STK3: variants seen among roughly 807,000 people sequenced by gnomAD.
STK3 encodes the protein serine/threonine-protein kinase 3.
STK3 carries 41 observed loss-of-function variants against 58.0 expected under a neutral mutation model. That is an observed-to-expected ratio of 0.71 (90% CI 0.55 to 0.92). The LOEUF is 0.92. Among genes scored for constraint, STK3 ranks in the 40% least tolerant of loss-of-function variants. STK3 has a pLI of 0.00. For synonymous variants in STK3, 170 were observed against 191.0 expected, an observed-to-expected ratio of 0.89 and a Z score of 0.91; for missense variants, 479 against 602.7, an observed-to-expected ratio of 0.79 and a Z score of 2.15.
At chr8:98,485,032 G>C (rs1822135940) in intron 10 of STK3, among the ~76,000 whole-genome samples, 1 of 152,154 alleles carries the variant, frequency 6.6e-6, no homozygotes, top group Admixed American at 6.5e-5. Context: ...CTGAGATCAG[G>C]AGTTCAAGAT....
At chr8:98,530,517 A>C (rs2131503833) in intron 9 of STK3, among the ~76,000 whole-genome samples, 1 of 152,328 alleles carries the variant, frequency 6.6e-6, no homozygotes, top group South Asian at 2.1e-4. Context: ...GCAACAGATA[A>C]ATAGCTAAGA....
intron 2 of STK3, among the ~76,000 whole-genome samples, chr8:98,771,398 G>C (rs1267483745): frequency 6.6e-6 from 1 of 152,152 alleles, no homozygotes; most frequent in Non-Finnish European, 1.5e-5. Flanking sequence ...AATATGCTAT[G>C]AGTTGGTACC....
chr8:98,834,940 A>G (rs1835693343), intron 3 of STK3, among the ~76,000 whole-genome samples: 1 of 152,240 alleles, frequency 6.6e-6, no homozygotes, highest in Non-Finnish European at 1.5e-5. Flanking sequence ...AAGAAGAGGC[A>G]ATTCCTAAAT....
chr8:98,701,648 CTATACACACACATATA>C (rs1408122763), intron 6 of STK3, among the ~76,000 whole-genome samples: 2 of 150,326 alleles, frequency 1.3e-5, no homozygotes, highest in Non-Finnish European at 3.0e-5. Context: ...ATATATATAT[CTATACACACACATATA>C]TATACACACA....
chr8:98,421,455 A>C (rs946522875), intron 3 of STK3, among the ~76,000 whole-genome samples: 1 of 152,140 alleles, frequency 6.6e-6, no homozygotes, highest in Non-Finnish European at 1.5e-5. Context: ...CTCTAAGTTT[A>C]AATTTAATCA....
chr8:98,696,654 T>A (rs1394412253), intron 6 of STK3, among the ~76,000 whole-genome samples: 3 of 152,240 alleles, frequency 2.0e-5, no homozygotes, highest in East Asian at 1.9e-4. Flanking sequence ...CATGCTGGAT[T>A]ACATTTATTG....
chr8:98,850,380 G>C (rs547329774), intron 3 of STK3, among the ~76,000 whole-genome samples: 2 of 152,158 alleles, frequency 1.3e-5, no homozygotes, highest in Non-Finnish European at 2.9e-5. Flanking sequence ...TGGGTATTGG[G>C]CTGGGACAAG....
chr8:98,798,980 A>G (rs1004104368), intron 1 of STK3, among the ~76,000 whole-genome samples: 8 of 152,212 alleles, frequency 5.3e-5, no homozygotes, highest in Non-Finnish European at 1.2e-4. Context: ...GGCAGAGAGC[A>G]GCCCTTATTG....
At chr8:98,735,045 A>T (rs948671942) in intron 4 of STK3, among the ~76,000 whole-genome samples, 16 of 152,186 alleles carry the variant, frequency 1.1e-4, no homozygotes, top group Non-Finnish European at 1.5e-4. Flanking sequence ...CATACTTTTT[A>T]TGGCTTGTCT....
intron 3 of STK3, among the ~76,000 whole-genome samples, chr8:98,425,922 C>A (rs889672002): frequency 2.0e-5 from 3 of 152,222 alleles, no homozygotes; most frequent in Admixed American, 1.3e-4. Context: ...CACACAACCA[C>A]GGTGCTCCAG....
At chr8:98,740,317 G>A (rs1004392769) in intron 4 of STK3, among the ~76,000 whole-genome samples, 3 of 152,070 alleles carry the variant, frequency 2.0e-5, no homozygotes, top group Non-Finnish European at 2.9e-5. Flanking sequence ...TTAAAATGAA[G>A]GAAAAAATGT....
downstream of STK3, among the ~76,000 whole-genome samples, chr8:98,398,185 C>T (rs1817911787): frequency 6.6e-6 from 1 of 152,162 alleles, no homozygotes; most frequent in African/African-American, 2.4e-5. Context: ...TTCACTCTTA[C>T]AGTGGTTGGG....
intron 8 of STK3, among the ~76,000 whole-genome samples, chr8:98,564,278 G>A (rs868720217): frequency 7.9e-5 from 12 of 152,210 alleles, no homozygotes; most frequent in Middle Eastern, 3.4e-3. Flanking sequence ...GAGAGGCTGC[G>A]ACATCATGAA....
intron 3 of STK3, chr8:98,427,896 G>A: frequency 1.6e-6 from 2 of 1,234,972 alleles, no homozygotes; most frequent in South Asian, 1.6e-5. Context: ...GCCCCGCCAG[G>A]GCGCACGGCG....
At chr8:98,685,228 A>G (rs1211279046) in intron 6 of STK3, among the ~76,000 whole-genome samples, 1 of 152,182 alleles carries the variant, frequency 6.6e-6, no homozygotes, top group East Asian at 1.9e-4. Context: ...TACTTAATGG[A>G]AACACGTCTC....
chr8:98,785,084 G>A (rs1228802452), intron 1 of STK3, among the ~76,000 whole-genome samples: 1 of 152,140 alleles, frequency 6.6e-6, no homozygotes, highest in Non-Finnish European at 1.5e-5. Flanking sequence ...CATTGCCCAA[G>A]AAGATCTCCA....
At chr8:98,881,180 T>C (rs966725050), downstream of STK3, 2 of 152,214 alleles carry the variant, frequency 1.3e-5, no homozygotes, top group African/African-American at 4.8e-5. Context: ...TACAATGGAA[T>C]ATTATTCAGC....
intron 1 of STK3, among the ~76,000 whole-genome samples, chr8:98,889,298 C>T (rs75892905): frequency 3.3e-5 from 5 of 152,304 alleles, no homozygotes; most frequent in South Asian, 2.1e-4. Context: ...CTGCTGCCAG[C>T]GACAGCAGAA....
intron 3 of STK3, among the ~76,000 whole-genome samples, chr8:98,871,831 T>G (rs1014635586): frequency 7.2e-5 from 11 of 152,198 alleles, no homozygotes; most frequent in Admixed American, 2.0e-4. Context: ...GAATACCCTT[T>G]ATTTCTTTCT....
Sources: allele counts gnomAD v4.1 joint callset (sites outside exome capture counted in the v4.1 genomes callset), GRCh38; gene constraint gnomAD v4.1.1; transcripts MANE v1.5; gene names NCBI Gene and HGNC (gene_info 2026-07-23, HGNC 2026-07-21).